Variants in ATP10B observed in about 807,000 individuals in gnomAD.
ATP10B encodes phospholipid-transporting ATPase VB.
ATP10B carries 122 observed loss-of-function variants against 141.2 expected under a neutral mutation model. That is an observed-to-expected ratio of 0.86 (90% CI 0.75 to 1.00). The LOEUF (loss-of-function observed/expected upper bound fraction) is 1.00. Ranked by LOEUF, ATP10B falls within the 50% of genes least tolerant of loss-of-function variation. The pLI, the probability that ATP10B is intolerant of heterozygous loss-of-function variation, is 0.00. For synonymous variants in ATP10B, 685 were observed against 692.0 expected, an observed-to-expected ratio of 0.99 and a Z score of 0.16; for missense variants, 1,876 against 1,825.3, an observed-to-expected ratio of 1.03 and a Z score of -0.51.
rs1301685907 is a variant in ATP10B, at chr5:160,564,313, G to A, written c.*1140C>T. 1 of 152,152 alleles carries A rather than the reference G, an allele frequency of 6.6e-6. No individual in the cohort carries two copies. Among genetic ancestry groups the A allele is most frequent in the African/African-American group, 2.4e-5 (1 of 41,434 alleles). The allele number at this position is 152,152 out of a possible 1,614,324, so 9.4% of individuals were successfully genotyped here. A position where few individuals can be genotyped will look rare whatever the true frequency, so the allele number is the denominator to read the frequency against. ...TTCTACTGTTCATTCCTTTAACACT[G>A]TTTTGAGCTTTTTTTATATAGTTGA... is the stretch of plus-strand genomic sequence containing the variant. On this transcript the variant is annotated 3_prime_UTR_variant, in exon 26 of 26. Transcript: ENST00000327245.
intron 1 of ATP10B, among the ~76,000 whole-genome samples, chr5:160,821,337 A>G (rs575934287): frequency 7.2e-5 from 11 of 152,106 alleles, no homozygotes; most frequent in Non-Finnish European, 1.5e-4. Context: ...AGTAAAAACT[A>G]TAAAACAGCT....
At chr5:160,798,497 T>C (rs773111142) in intron 1 of ATP10B, among the ~76,000 whole-genome samples, 14 of 151,996 alleles carry the variant, frequency 9.2e-5, no homozygotes, top group Admixed American at 3.9e-4. Flanking sequence ...AGGTTGGAGT[T>C]ACAAGTCTAC....
At chr5:160,639,881 G>A (rs1393192481) in intron 10 of ATP10B, among the ~76,000 whole-genome samples, 1 of 152,192 alleles carries the variant, frequency 6.6e-6, no homozygotes, top group Non-Finnish European at 1.5e-5. Context: ...CAACTATATG[G>A]TCCCATGTAG....
intron 5 of ATP10B, 140 bp downstream of exon 5, chr5:160,687,660 G>A: frequency 2.0e-6 from 2 of 1,000,758 alleles, no homozygotes; most frequent in South Asian, 3.4e-5. Context: ...AGCTATTTGG[G>A]AGGCTGAGGT....
intron 1 of ATP10B, among the ~76,000 whole-genome samples, chr5:160,833,765 C>T (rs1202042905): frequency 6.6e-6 from 1 of 152,052 alleles, no homozygotes; most frequent in Non-Finnish European, 1.5e-5. Flanking sequence ...CCTATTTTTA[C>T]TTTGTGTGAT....
At position 160,670,629 on chromosome 5, in the gene ATP10B, A is replaced by G; in HGVS notation, c.509T>C (p.Val170Ala). ...CATTTGGATGAAGTCTCCCACGCGC[A>G]CATCCTTCCAGCACTTCTGCACATA... Reference protein sequence around the residue: ...QTYVQKCWKDVRVGDFIQMKC... With the variant: ...QTYVQKCWKDARVGDFIQMKC... The change falls in exon 7 of 26, where the codon GTG becomes GCG. Residue 170 changes from valine (V) to alanine (A), a missense_variant. By Grantham distance (64) the Val-to-Ala change is moderately conservative. Transcript: ENST00000327245. 6.2e-7 allele frequency: 1 copy of G among 1,613,794 alleles called. No homozygotes were observed. Among genetic ancestry groups the G allele is most frequent in the Non-Finnish European group, 8.5e-7 (1 of 1,179,818 alleles).
intron 2 of ATP10B, among the ~76,000 whole-genome samples, chr5:160,769,482 C>G (rs17058216): frequency 2.6e-5 from 4 of 152,206 alleles, no homozygotes; most frequent in Non-Finnish European, 5.9e-5. Flanking sequence ...GGCGCCTTTA[C>G]AGCCAATAGC....
chr5:160,737,582 C>A (rs1767208797), intron 2 of ATP10B, among the ~76,000 whole-genome samples: 1 of 152,046 alleles, frequency 6.6e-6, no homozygotes, highest in African/African-American at 2.4e-5. Flanking sequence ...ATAAAAAAAT[C>A]AGTAGCATTT....
At chr5:160,820,892 C>G (rs1774052642) in intron 1 of ATP10B, among the ~76,000 whole-genome samples, 1 of 152,058 alleles carries the variant, frequency 6.6e-6, no homozygotes, top group African/African-American at 2.4e-5. Context: ...GAACATACCT[C>G]AACATAATAA....
chr5:160,652,758 T>C (rs1489608882), intron 7 of ATP10B, among the ~76,000 whole-genome samples: 1 of 118,024 alleles, frequency 8.5e-6, no homozygotes, highest in African/African-American at 3.3e-5. Context: ...TACATGTACA[T>C]ATTATATACA....
At chr5:160,736,924 C>A (rs1767160131) in intron 2 of ATP10B, among the ~76,000 whole-genome samples, 1 of 152,150 alleles carries the variant, frequency 6.6e-6, no homozygotes, top group Admixed American at 6.5e-5. Flanking sequence ...CAATATTATG[C>A]TGATACAAAA....
intron 1 of ATP10B, among the ~76,000 whole-genome samples, chr5:160,786,493 G>A (rs1347696571): frequency 6.6e-6 from 1 of 152,120 alleles, no homozygotes; most frequent in Non-Finnish European, 1.5e-5. Context: ...ACTTCATAGA[G>A]TATGAAATAG....
chr5:160,761,403 TAC>T (rs1241249432), intron 2 of ATP10B, among the ~76,000 whole-genome samples: 1 of 26,758 alleles, frequency 3.7e-5, no homozygotes, highest in African/African-American at 2.8e-4. Context: ...AGCACCAGCC[TAC>T]ATTCGCCAGC....
At chr5:160,818,360 A>G (rs1773843281) in intron 1 of ATP10B, among the ~76,000 whole-genome samples, 1 of 152,256 alleles carries the variant, frequency 6.6e-6, no homozygotes, top group Non-Finnish European at 1.5e-5. Flanking sequence ...GACACTTCTC[A>G]AAAGAAGACA....
chr5:160,603,363 T>C (rs556729285), intron 20 of ATP10B: 25 of 155,276 alleles, frequency 1.6e-4, no homozygotes, highest in African/African-American at 6.0e-4. Flanking sequence ...GTGAAGTGTC[T>C]AACACAAGCT....
chr5:160,901,693 C>T, the ATP10B span, among the ~76,000 whole-genome samples: 1 of 152,160 alleles, frequency 6.6e-6, no homozygotes, highest in Non-Finnish European at 1.5e-5. Context: ...AGAATTGAAA[C>T]TAAGATGGTT....
intron 7 of ATP10B, among the ~76,000 whole-genome samples, chr5:160,667,302 C>T (rs909995968): frequency 2.0e-5 from 3 of 152,178 alleles, no homozygotes; most frequent in Non-Finnish European, 2.9e-5. Context: ...TTCAACACTT[C>T]CCGGCTCAGT....
chr5:160,790,292 G>T (rs1771475296), intron 1 of ATP10B, among the ~76,000 whole-genome samples: 2 of 152,122 alleles, frequency 1.3e-5, no homozygotes, highest in Non-Finnish European at 2.9e-5. Context: ...TAAAGAAGTT[G>T]TTCTTTGCAA....
chr5:160,896,149 G>T, the ATP10B span, among the ~76,000 whole-genome samples: 1 of 151,330 alleles, frequency 6.6e-6, no homozygotes, highest in Non-Finnish European at 1.5e-5. Flanking sequence ...AGAGAAGCAA[G>T]AGCAAACAAA....
Sources: allele counts gnomAD v4.1 joint callset (sites outside exome capture counted in the v4.1 genomes callset), GRCh38; gene constraint gnomAD v4.1.1; transcripts MANE v1.5; gene names NCBI Gene and HGNC (gene_info 2026-07-23, HGNC 2026-07-21).